The following PDE10A variants were observed in gnomAD, a reference collection of about 807,000 sequenced individuals.
The protein encoded by PDE10A is phosphodiesterase 10A, also known as cAMP and cAMP-inhibited cGMP 3',5'-cyclic phosphodiesterase 10A.
Under a neutral mutation model 97.7 loss-of-function variants are expected in PDE10A, and 39 were observed. The ratio of observed to expected loss-of-function variants is 0.40; its 90% confidence interval spans 0.31 to 0.52. PDE10A has a LOEUF of 0.52. PDE10A is among the 20% of genes least tolerant of loss of function. PDE10A has a pLI of 0.56. For missense variants in PDE10A, 731 were observed against 1,047.8 expected, an observed-to-expected ratio of 0.70 and a Z score of 4.17; for synonymous variants, 371 against 376.8, an observed-to-expected ratio of 0.98 and a Z score of 0.18.
chr6:165,712,371 C>T (rs1791916292), intron 1 of PDE10A, among the ~76,000 whole-genome samples: 1 of 152,168 alleles, frequency 6.6e-6, no homozygotes, highest in Admixed American at 6.5e-5. Context: ...CTGATGTGTG[C>T]ATGTGCTGTG....
chr6:165,890,021 C>CA (rs1781745979), intron 1 of PDE10A, among the ~76,000 whole-genome samples: 1 of 123,732 alleles, frequency 8.1e-6, no homozygotes, highest in Non-Finnish European at 1.7e-5. Flanking sequence ...TCACTCCCTC[C>CA]CTCCTCCCTC....
intron 10 of PDE10A, among the ~76,000 whole-genome samples, chr6:165,419,943 C>T (rs1252221492): frequency 6.6e-6 from 1 of 152,200 alleles, no homozygotes; most frequent in African/African-American, 2.4e-5. Context: ...GTGCTCACTA[C>T]TACTATAGAA....
chr6:165,672,718 G>C (rs1171500007), intron 1 of PDE10A, among the ~76,000 whole-genome samples: 2 of 152,132 alleles, frequency 1.3e-5, no homozygotes, highest in African/African-American at 4.8e-5. Context: ...CCATGATTGT[G>C]AGGCCTCCCC....
intron 1 of PDE10A, among the ~76,000 whole-genome samples, chr6:165,957,718 C>T (rs1400079994): frequency 6.6e-6 from 1 of 152,092 alleles, no homozygotes; most frequent in East Asian, 1.9e-4. Context: ...CAAAATATGT[C>T]CCAAGTGTAA....
intron 1 of PDE10A, among the ~76,000 whole-genome samples, chr6:165,922,187 G>C (rs1782774226): frequency 1.3e-5 from 2 of 152,214 alleles, no homozygotes; most frequent in African/African-American, 2.4e-5. Context: ...TCTGAGATGG[G>C]AAGGCTGAGA....
Position 165,572,206 on chromosome 6 carries a change from T to C in PDE10A, c.866-28638A>G, listed in dbSNP as rs1050559283. ...GAAATGTGGAATTATTATTCTGGTC[T>C]CTACGGCAGCATTTAATTTAAAACA... is the stretch of plus-strand genomic sequence containing the variant. On this transcript the variant is annotated intron_variant, in intron 1 of 21. Transcript: ENST00000539869. 2.0e-5 allele frequency among the ~76,000 whole-genome samples: 3 copies of C among 152,366 alleles called. No homozygotes were observed. In the East Asian group the frequency reaches 5.8e-4, roughly 29 times the overall value.
intron 1 of PDE10A, among the ~76,000 whole-genome samples, chr6:165,945,518 TG>T (rs1453484623): frequency 2.0e-5 from 3 of 152,148 alleles, no homozygotes; most frequent in Non-Finnish European, 2.9e-5. Context: ...TGGGGCCTTT[TG>T]GGGGGTGATT....
intron 5 of PDE10A, among the ~76,000 whole-genome samples, chr6:165,443,402 C>A (rs1790614794): frequency 6.6e-6 from 1 of 152,334 alleles, no homozygotes; most frequent in East Asian, 1.9e-4. Flanking sequence ...AAGGGGTGGG[C>A]TCCCAAGTCC....
chr6:165,952,279 A>G (rs1304960943), intron 1 of PDE10A, among the ~76,000 whole-genome samples: 1 of 152,224 alleles, frequency 6.6e-6, no homozygotes, highest in African/African-American at 2.4e-5. Context: ...TCACTCCCCA[A>G]CTTTAATAGA....
Position 165,463,924 on chromosome 6 carries a change from C to T in PDE10A, c.1024-13562G>A, listed in dbSNP as rs578179217. On this transcript the variant is annotated intron_variant, in intron 3 of 21. Coordinates refer to ENST00000539869, the MANE Select transcript of PDE10A (RefSeq NM_001385079.1). ...CTCCTGCTGCAGAAAATTAGCCCAA[C>T]CTATTCCTTTAATTAGGTCCATCCC... 2.6e-5 allele frequency among the ~76,000 whole-genome samples: 4 copies of T among 152,342 alleles called. No homozygotes were observed. The East Asian group carries it at 7.7e-4, about 29-fold the overall frequency.
At chr6:165,960,384 G>A (rs1013129300) in intron 1 of PDE10A, among the ~76,000 whole-genome samples, 6 of 152,282 alleles carry the variant, frequency 3.9e-5, no homozygotes, top group East Asian at 1.9e-4. Flanking sequence ...GGCCTGATCC[G>A]ACCCTCATCC....
intron 5 of PDE10A, among the ~76,000 whole-genome samples, chr6:165,445,088 T>A (rs1250593715): frequency 6.6e-6 from 1 of 152,134 alleles, no homozygotes; most frequent in Non-Finnish European, 1.5e-5. Context: ...ATGCTGTCTT[T>A]CATGTGCAAA....
chr6:165,931,502 A>C (rs1783133036), intron 1 of PDE10A, among the ~76,000 whole-genome samples: 1 of 152,234 alleles, frequency 6.6e-6, no homozygotes, highest in South Asian at 2.1e-4. Context: ...GGCAGAACTA[A>C]TTCTGTGGTT....
intron 18 of PDE10A, among the ~76,000 whole-genome samples, chr6:165,365,201 T>C (rs2128195605): frequency 6.6e-6 from 1 of 152,260 alleles, no homozygotes. Flanking sequence ...GAAAATTAGA[T>C]ATAAATACAA....
chr6:165,920,665 G>A (rs1782730112), intron 1 of PDE10A, among the ~76,000 whole-genome samples: 1 of 152,078 alleles, frequency 6.6e-6, no homozygotes, highest in African/African-American at 2.4e-5. Context: ...TAAGAAAATT[G>A]TGATGTTTTC....
chr6:165,383,236 T>C (rs113056092), intron 17 of PDE10A, among the ~76,000 whole-genome samples: 196 of 152,330 alleles, frequency 1.3e-3, no homozygotes, highest in Middle Eastern at 6.8e-3. Context: ...TGACTATTTT[T>C]AAAGTCAAAA....
chr6:165,968,316 C>T (rs556160173), intron 1 of PDE10A, among the ~76,000 whole-genome samples: 2 of 152,330 alleles, frequency 1.3e-5, no homozygotes, highest in South Asian at 4.1e-4. Context: ...ACAGTATTGA[C>T]ATCAAACCCA....
At chr6:165,975,129 A>T (rs1026242918) in intron 1 of PDE10A, among the ~76,000 whole-genome samples, 7 of 152,190 alleles carry the variant, frequency 4.6e-5, no homozygotes, top group Non-Finnish European at 1.0e-4. Flanking sequence ...GCCTCTCCCC[A>T]AGACTTGCTG....
At chr6:165,608,106 A>G (rs1191594591) in intron 1 of PDE10A, among the ~76,000 whole-genome samples, 1 of 144,524 alleles carries the variant, frequency 6.9e-6, no homozygotes, top group African/African-American at 2.7e-5. Flanking sequence ...ATATATATAC[A>G]TGTATATATA....
Sources: gnomAD v4.1 joint callset for allele counts (sites outside exome capture counted in the v4.1 genomes callset) on GRCh38, gnomAD v4.1.1 for gene constraint, MANE v1.5 for transcripts, NCBI Gene and HGNC (gene_info 2026-07-23, HGNC 2026-07-21) for gene names.